GPHN: variants seen among roughly 807,000 people sequenced by gnomAD.
The protein encoded by GPHN is gephyrin.
In GPHN, 17 loss-of-function variants were observed where a neutral mutation model predicts 95.5. That is an observed-to-expected ratio of 0.18 (90% CI 0.12 to 0.27). The LOEUF is 0.27. Among genes scored for constraint, GPHN ranks in the 10% least tolerant of loss-of-function variants. The probability of loss-of-function intolerance (pLI) is 1.00; values close to 1 mark genes in which losing one functional copy is unlikely to be tolerated. For synonymous variants in GPHN, 320 were observed against 322.5 expected (o/e 0.99, Z 0.08); for missense variants, 660 against 978.1 (o/e 0.67, Z 4.34).
intron 3 of GPHN, among the ~76,000 whole-genome samples, chr14:66,783,821 C>T (rs1453127645): frequency 6.6e-6 from 1 of 152,190 alleles, no homozygotes; most frequent in East Asian, 1.9e-4. Flanking sequence ...ATCAGTGCTT[C>T]ACTTTTGCCA....
At chr14:66,883,040 T>A (rs1387798842) in intron 5 of GPHN, among the ~76,000 whole-genome samples, 1 of 151,852 alleles carries the variant, frequency 6.6e-6, no homozygotes, top group East Asian at 1.9e-4. Flanking sequence ...TATCTGGGTG[T>A]AGTTTTCTTT....
At chr14:67,386,788 G>T in the GPHN span, among the ~76,000 whole-genome samples, 1 of 152,130 alleles carries the variant, frequency 6.6e-6, no homozygotes, top group Admixed American at 6.5e-5. Flanking sequence ...TAATATTTAT[G>T]CAGGCTTGTT....
intron 1 of GPHN, among the ~76,000 whole-genome samples, chr14:66,572,879 T>C (rs1344815890): frequency 6.6e-6 from 1 of 152,212 alleles, no homozygotes; most frequent in Non-Finnish European, 1.5e-5. Context: ...TTGTGTATGA[T>C]GTTAGCTGCA....
At chr14:67,652,288 G>A in the GPHN span, 1 of 152,478 alleles carries the variant, frequency 6.6e-6, no homozygotes, top group African/African-American at 2.4e-5. Context: ...TTCAAAGAAG[G>A]ACTTATTTAT....
At chr14:67,059,152 C>A (rs889233834) in intron 11 of GPHN, 13 of 282,862 alleles carry the variant, frequency 4.6e-5, no homozygotes, top group African/African-American at 2.6e-4. Context: ...TCCTTTCTGT[C>A]AGAAATGGGA....
At chr14:67,678,266 A>G in the GPHN span, 1 of 1,128,522 alleles carries the variant, frequency 8.9e-7, no homozygotes, top group South Asian at 1.3e-5. Context: ...CATTTTGACA[A>G]GAAGTACTGT....
the GPHN span, among the ~76,000 whole-genome samples, chr14:67,643,729 C>T: frequency 6.6e-6 from 1 of 152,008 alleles, no homozygotes; most frequent in Non-Finnish European, 1.5e-5. Context: ...AGCTGGGATT[C>T]AAATCCAGTG....
chr14:66,886,274 G>A (rs2064183929), intron 5 of GPHN, among the ~76,000 whole-genome samples: 1 of 152,082 alleles, frequency 6.6e-6, no homozygotes, highest in East Asian at 1.9e-4. Flanking sequence ...ACTATTAACA[G>A]CCCTCCCTTT....
intron 9 of GPHN, among the ~76,000 whole-genome samples, chr14:66,972,301 A>AG (rs1393183388): frequency 1.3e-5 from 2 of 151,078 alleles, no homozygotes; most frequent in African/African-American, 4.9e-5. Flanking sequence ...AAAAAAAGAA[A>AG]AAAGCTAGAA....
At chr14:66,686,809 G>C (rs2067392736) in intron 2 of GPHN, among the ~76,000 whole-genome samples, 1 of 152,134 alleles carries the variant, frequency 6.6e-6, no homozygotes, top group East Asian at 1.9e-4. Context: ...TGGTGAGAGA[G>C]GGCATCCCTG....
At chr14:67,217,729 C>A in the GPHN span, among the ~76,000 whole-genome samples, 2 of 151,976 alleles carry the variant, frequency 1.3e-5, no homozygotes, top group Non-Finnish European at 2.9e-5. Context: ...AGATTTTAAT[C>A]TTAAGAGTTT....
intron 8 of GPHN, among the ~76,000 whole-genome samples, chr14:66,943,432 A>T (rs951367938): frequency 3.3e-5 from 5 of 152,190 alleles, no homozygotes; most frequent in Non-Finnish European, 5.9e-5. Flanking sequence ...TTAGTACTAC[A>T]TGTCCCTAGC....
At chr14:67,016,118 G>A (rs1246900240) in intron 9 of GPHN, among the ~76,000 whole-genome samples, 1 of 152,058 alleles carries the variant, frequency 6.6e-6, no homozygotes, top group African/African-American at 2.4e-5. Flanking sequence ...GTTTCATATA[G>A]CTATAATATT....
the GPHN span, among the ~76,000 whole-genome samples, chr14:67,505,088 C>A: frequency 3.0e-4 from 45 of 152,172 alleles, no homozygotes; most frequent in Admixed American, 9.8e-4. Context: ...CAGATGAACA[C>A]CAAGGTGCAC....
At chr14:66,812,074 G>C (rs1166991819) in intron 3 of GPHN, among the ~76,000 whole-genome samples, 1 of 152,118 alleles carries the variant, frequency 6.6e-6, no homozygotes, top group Non-Finnish European at 1.5e-5. Context: ...GAATGGTTTG[G>C]GAAAACTATA....
the GPHN span, among the ~76,000 whole-genome samples, chr14:67,463,638 C>CAAA: frequency 9.1e-5 from 5 of 54,828 alleles, no homozygotes; most frequent in Non-Finnish European, 1.4e-4. Flanking sequence ...GACTCCGTCT[C>CAAA]AAAAAAAAAA....
At chr14:66,872,813 T>G (rs2063494945) in intron 4 of GPHN, among the ~76,000 whole-genome samples, 1 of 150,972 alleles carries the variant, frequency 6.6e-6, no homozygotes, top group Non-Finnish European at 1.5e-5. Context: ...GAGAAACACT[T>G]GAACCCGGGA....
chr14:66,525,118 T>TA lies in GPHN; in HGVS notation c.64+16531dup, dbSNP rs372612442. Reference sequence around the variant, plus strand: ...GAACTAATTTACACTCCCAAGAGTGTAAAAGCGTGCCTATTTCTCTACATC... The same window carrying TA: ...GAACTAATTTACACTCCCAAGAGTGTAAAAAGCGTGCCTATTTCTCTACATC... On this transcript the variant is annotated intron_variant, in intron 1 of 22. Coordinates refer to ENST00000478722, the MANE Select transcript of GPHN (RefSeq NM_020806.5). 3.0e-3 allele frequency among the ~76,000 whole-genome samples: 455 copies of TA among 152,248 alleles called. 3 individuals carry two copies. Among genetic ancestry groups the TA allele is most frequent in the African/African-American group, 0.011 (437 of 41,550 alleles).
At chr14:67,072,255 G>A (rs2076340267) in intron 11 of GPHN, among the ~76,000 whole-genome samples, 1 of 151,940 alleles carries the variant, frequency 6.6e-6, no homozygotes, top group South Asian at 2.1e-4. Context: ...CAGTAAAGAA[G>A]GATCTCCAAT....
Sources: allele counts gnomAD v4.1 joint callset (sites outside exome capture counted in the v4.1 genomes callset), GRCh38; gene constraint gnomAD v4.1.1; transcripts MANE v1.5; gene names NCBI Gene and HGNC (gene_info 2026-07-23, HGNC 2026-07-21).